The following PLA2G4E variants were observed in gnomAD, a reference collection of about 807,000 sequenced individuals.
PLA2G4E encodes the protein phospholipase A2 group IVE, also known as cytosolic phospholipase A2 epsilon.
PLA2G4E carries 84 observed loss-of-function variants against 109.1 expected under a neutral mutation model. The observed-to-expected ratio is 0.77, with a 90% CI of 0.65 to 0.92. The LOEUF is 0.92. Ranked by LOEUF, PLA2G4E falls within the 40% of genes least tolerant of loss-of-function variation. PLA2G4E has a pLI of 0.00. For synonymous variants in PLA2G4E, 469 were observed against 436.1 expected (o/e 1.08, Z -0.94); for missense variants, 1,057 against 1,076.6 (o/e 0.98, Z 0.25).
At chr15:42,038,582 G>A (rs562801254) in intron 1 of PLA2G4E, among the ~76,000 whole-genome samples, 1 of 152,342 alleles carries the variant, frequency 6.6e-6, no homozygotes, top group South Asian at 2.1e-4. Flanking sequence ...ACAGGAGGCA[G>A]AGCTCAGGCG....
chr15:41,985,543 T>C (rs553261976), intron 18 of PLA2G4E, among the ~76,000 whole-genome samples: 1 of 152,258 alleles, frequency 6.6e-6, no homozygotes, highest in Non-Finnish European at 1.5e-5. Flanking sequence ...AGGTTATTTT[T>C]AAAAACTCAT....
At chr15:41,988,077 C>T (rs1294668478) in exon 16 of PLA2G4E, 2 of 1,607,216 alleles carry the variant, frequency 1.2e-6, no homozygotes, top group Non-Finnish European at 1.7e-6. Flanking sequence ...CCCTTGTCCA[C>T]CTGTGGAAAA....
At chr15:41,995,530 G>C (rs2068325502) in intron 11 of PLA2G4E, 34 bp from the exon 12 acceptor site, 7 of 1,606,670 alleles carry the variant, frequency 4.4e-6, no homozygotes, top group Non-Finnish European at 6.0e-6. Flanking sequence ...GTTGGGGAAG[G>C]CTCCAGAAGC....
chr15:42,047,274 G>T (rs1324207973), intron 1 of PLA2G4E, among the ~76,000 whole-genome samples: 1 of 152,172 alleles, frequency 6.6e-6, no homozygotes, highest in Non-Finnish European at 1.5e-5. Flanking sequence ...ACCTGACCAA[G>T]AACAGAGATT....
At chr15:42,043,991 C>A (rs78534238) in intron 1 of PLA2G4E, among the ~76,000 whole-genome samples, 70 of 152,260 alleles carry the variant, frequency 4.6e-4, no homozygotes, top group African/African-American at 1.7e-3. Flanking sequence ...ACTTGGACCG[C>A]AAAGAACCTC....
chr15:42,016,241 C>CTTTTTTTTTTTTTT (rs1168452228), intron 1 of PLA2G4E, among the ~76,000 whole-genome samples: 3 of 104,692 alleles, frequency 2.9e-5, no homozygotes, highest in African/African-American at 7.4e-5. Context: ...TTTATCTTTA[C>CTTTTTTTTTTTTTT]TTTTTTTTTT....
chr15:42,029,882 A>G (rs1286374008), intron 1 of PLA2G4E, among the ~76,000 whole-genome samples: 2 of 152,254 alleles, frequency 1.3e-5, no homozygotes. Context: ...CGCTGCCCCA[A>G]GGACCTCCCA....
At chr15:42,010,876 C>A (rs563522263) in intron 2 of PLA2G4E, among the ~76,000 whole-genome samples, 2 of 152,202 alleles carry the variant, frequency 1.3e-5, no homozygotes, top group African/African-American at 4.8e-5. Flanking sequence ...TGCCATTTGG[C>A]CTCTTGGAAA....
At chr15:42,021,404 T>C (rs891161356) in intron 1 of PLA2G4E, among the ~76,000 whole-genome samples, 3 of 151,860 alleles carry the variant, frequency 2.0e-5, no homozygotes, top group Non-Finnish European at 4.4e-5. Flanking sequence ...TCATGGCTCA[T>C]AGATGCCCCT....
chr15:42,012,696 T>C (rs1340778446), intron 2 of PLA2G4E, among the ~76,000 whole-genome samples: 1 of 152,236 alleles, frequency 6.6e-6, no homozygotes, highest in Non-Finnish European at 1.5e-5. Flanking sequence ...GGTGACAAGA[T>C]GGGAACGTTG....
chr15:42,033,446 T>C (rs1396436869), intron 1 of PLA2G4E, among the ~76,000 whole-genome samples: 1 of 152,200 alleles, frequency 6.6e-6, no homozygotes, highest in African/African-American at 2.4e-5. Flanking sequence ...CTGGCCCTTA[T>C]GACACTGGGA....
intron 16 of PLA2G4E, among the ~76,000 whole-genome samples, chr15:41,987,657 G>A (rs1488108303): frequency 6.6e-6 from 1 of 152,202 alleles, no homozygotes; most frequent in Admixed American, 6.5e-5. Context: ...GACTGCTATA[G>A]ACCCTACTCT....
At chr15:41,999,491 G>A in intron 10 of PLA2G4E, 33 bp downstream of exon 10, 2 of 1,510,840 alleles carry the variant, frequency 1.3e-6, no homozygotes, top group Non-Finnish European at 1.8e-6. Context: ...CTATGAATAA[G>A]TGAGAGGCAC....
intron 1 of PLA2G4E, among the ~76,000 whole-genome samples, chr15:42,027,982 G>A (rs928575758): frequency 6.9e-6 from 1 of 145,358 alleles, no homozygotes; most frequent in Non-Finnish European, 1.5e-5. Context: ...CCACCAGACT[G>A]TAACCCTTTT....
chr15:42,006,341 TC>T (rs2068476730), intron 3 of PLA2G4E: 1 of 431,228 alleles, frequency 2.3e-6, no homozygotes, highest in Non-Finnish European at 4.0e-6. Context: ...TTCTTGGCCT[TC>T]TGTTCTCACT....
intron 1 of PLA2G4E, among the ~76,000 whole-genome samples, chr15:42,043,762 C>T (rs984448827): frequency 3.3e-5 from 5 of 152,102 alleles, no homozygotes; most frequent in Non-Finnish European, 7.3e-5. Flanking sequence ...CTTTATCTCT[C>T]TGAAACTCAC....
rs1224157016 is a variant in PLA2G4E, at chr15:42,013,748, A to G, written c.193T>C (p.Ser65Pro). The change falls in exon 2 of 20, where the codon TCT becomes CCT. Residue 65 changes from serine (S) to proline (P), a missense_variant. Transcript: ENST00000399518. The stretch of plus-strand genomic sequence containing the variant: ...CTCACTGTCAACAGGTGGCATGGAG[A>G]CAGCCCCTCCTGTGGAAGGAGAGGA... 5 of 1,550,294 alleles carry G rather than the reference A, an allele frequency of 3.2e-6. No individual in the cohort carries two copies. The African/African-American group carries it at 5.5e-5, about 17-fold the overall frequency.
intron 9 of PLA2G4E, 77 bp downstream of exon 9, chr15:41,999,840 C>T: frequency 6.9e-7 from 1 of 1,441,646 alleles, no homozygotes; most frequent in South Asian, 1.2e-5. Context: ...TGTACCTCCC[C>T]AGGCTCTCCC....
chr15:42,007,854 C>G, exon 3 of PLA2G4E: 1 of 1,603,618 alleles, frequency 6.2e-7, no homozygotes, highest in Non-Finnish European at 8.5e-7. Flanking sequence ...ACAAAACAGT[C>G]TGTCTGGCTC....
Sources: gnomAD v4.1 joint callset for allele counts (sites outside exome capture counted in the v4.1 genomes callset) on GRCh38, gnomAD v4.1.1 for gene constraint, MANE v1.5 for transcripts, NCBI Gene and HGNC (gene_info 2026-07-23, HGNC 2026-07-21) for gene names.